The following TTC29 variants were observed in gnomAD, a reference collection of about 807,000 sequenced individuals.
TTC29 encodes the protein tetratricopeptide repeat protein 29.
A neutral mutation model predicts 58.1 loss-of-function variants in TTC29; 49 were observed. That is an observed-to-expected ratio of 0.84 (90% CI 0.67 to 1.07). TTC29 has a LOEUF of 1.07. TTC29 is among the 50% of genes least tolerant of loss of function. TTC29 has a pLI of 0.00. For synonymous variants in TTC29, 209 were observed against 196.8 expected, an observed-to-expected ratio of 1.06 and a Z score of -0.52; for missense variants, 582 against 555.6, an observed-to-expected ratio of 1.05 and a Z score of -0.48.
intron 3 of TTC29, among the ~76,000 whole-genome samples, chr4:146,938,293 G>A (rs1314199638): frequency 6.6e-6 from 1 of 152,058 alleles, no homozygotes; most frequent in South Asian, 2.1e-4. Flanking sequence ...TATGATGATT[G>A]ATATGGAACT....
At chr4:146,862,433 G>C (rs958703574) in intron 8 of TTC29, among the ~76,000 whole-genome samples, 1 of 151,982 alleles carries the variant, frequency 6.6e-6, no homozygotes, top group African/African-American at 2.4e-5. Flanking sequence ...ATGTAACATC[G>C]TTACTTTCAT....
rs181359250 is a variant in TTC29 at position 146,764,861 on chromosome 4, T to C, written c.1330+38596A>G. Among the ~76,000 whole-genome samples the C allele has an allele frequency of 2.1e-3, 316 of 152,202 alleles. 2 individuals carry two copies. The highest frequency in any genetic ancestry group is 3.5e-3 in the Non-Finnish European group (241 of 67,996). ...AGGTACCACTAACGTTGGTGTTTTT[T>C]CTTATTGCCTACTGATAGTGACAGC... is the stretch of plus-strand genomic sequence containing the variant. On this transcript the variant is annotated intron_variant, in intron 11 of 12. Transcript: ENST00000325106.
intron 8 of TTC29, among the ~76,000 whole-genome samples, chr4:146,862,374 T>A: frequency 6.6e-6 from 1 of 152,024 alleles, no homozygotes; most frequent in Non-Finnish European, 1.5e-5. Flanking sequence ...CAGAAGACCC[T>A]GCAGATAGGA....
In TTC29 at chr4:146,803,567, TG is replaced by T. The variant is rs780149597; in HGVS notation, c.1219del (p.Gln407ArgfsTer2). 6.2e-7 allele frequency: 1 copy of T among 1,606,800 alleles called. No individual in the cohort carries two copies. The highest frequency in any genetic ancestry group is 2.2e-5 in the East Asian group (1 of 44,766). ...KVHYGIAKAH[Q>X]MMLTVNNYIE... Reference sequence around the variant, plus strand: ...ATAGTTGTTCACTGTAAGCATCATCTGATGAGCTTTTGCTATTCCATAGTGA... The same window carrying T: ...ATAGTTGTTCACTGTAAGCATCATCTATGAGCTTTTGCTATTCCATAGTGA... On this transcript the variant is annotated frameshift_variant, in exon 11 of 13. Transcript: ENST00000325106. LOFTEE classifies it high-confidence loss of function.
intron 6 of TTC29, among the ~76,000 whole-genome samples, chr4:146,897,250 G>A (rs910469866): frequency 2.0e-5 from 3 of 152,248 alleles, no homozygotes; most frequent in Admixed American, 6.5e-5. Context: ...AGACCTGAGA[G>A]GTAGGGGTTA....
At chr4:146,846,060 A>G (rs1366240684) in intron 8 of TTC29, among the ~76,000 whole-genome samples, 1 of 152,176 alleles carries the variant, frequency 6.6e-6, no homozygotes, top group Non-Finnish European at 1.5e-5. Context: ...AGAAACATTA[A>G]CATGGCTATA....
intron 4 of TTC29, among the ~76,000 whole-genome samples, chr4:146,931,764 G>A (rs577661914): frequency 7.2e-5 from 11 of 152,140 alleles, no homozygotes; most frequent in African/African-American, 1.9e-4. Context: ...AGATATAAAC[G>A]CCTAAGAACT....
intron 11 of TTC29, among the ~76,000 whole-genome samples, chr4:146,723,769 A>G (rs1412904551): frequency 1.3e-5 from 2 of 152,232 alleles, no homozygotes; most frequent in African/African-American, 4.8e-5. Context: ...ATGCTTATGC[A>G]CTGTTGGTGG....
intron 11 of TTC29, among the ~76,000 whole-genome samples, chr4:146,744,488 A>T (rs1251977554): frequency 6.6e-6 from 1 of 152,190 alleles, no homozygotes; most frequent in Non-Finnish European, 1.5e-5. Flanking sequence ...GGCTCCTCAA[A>T]TATGGATCTT....
chr4:146,725,347 A>G lies in TTC29; in HGVS notation c.1331-17796T>C, dbSNP rs572209495. Among the ~76,000 whole-genome samples the G allele has an allele frequency of 2.6e-5, 4 of 152,250 alleles. No individual in the cohort carries two copies. In the East Asian group the frequency reaches 7.7e-4, roughly 29 times the overall value. ...TCAAGAATTCTGAGCCAGGCTGGGC[A>G]ACATAGTGAGACTTTGTCTCCACAA... On this transcript the variant is annotated intron_variant, in intron 11 of 12. Coordinates refer to ENST00000325106, the MANE Select transcript of TTC29 (RefSeq NM_031956.4).
intron 11 of TTC29, among the ~76,000 whole-genome samples, chr4:146,737,146 G>T (rs558813170): frequency 6.6e-6 from 1 of 152,230 alleles, no homozygotes; most frequent in African/African-American, 2.4e-5. Flanking sequence ...CCTATGTTTG[G>T]GTTTTTACTG....
chr4:146,903,535 C>T lies in TTC29; in HGVS notation c.586+9G>A. On this transcript the variant is annotated intron_variant, in intron 6 of 12. Transcript: ENST00000325106. ...CATACCCAAGGCATCCTGGCAAATG[C>T]CCACTCACCATCTTCCTCGTAGAGA... The T allele has an allele frequency of 6.3e-7, 1 of 1,591,044 alleles. No homozygotes were observed. The highest frequency in any genetic ancestry group is 8.6e-7 in the Non-Finnish European group (1 of 1,168,082).
At chr4:146,740,409 T>C (rs1745035531) in intron 11 of TTC29, among the ~76,000 whole-genome samples, 1 of 152,130 alleles carries the variant, frequency 6.6e-6, no homozygotes, top group African/African-American at 2.4e-5. Context: ...AGGGAATGGG[T>C]TGAAAATAAT....
At position 146,776,543 on chromosome 4, in the gene TTC29, C is replaced by T. The variant is rs184439814; in HGVS notation, c.1330+26914G>A. Among the ~76,000 whole-genome samples the T allele has an allele frequency of 8.7e-4, 132 of 151,814 alleles. 2 individuals carry two copies. Among genetic ancestry groups the T allele is most frequent in the African/African-American group, 2.5e-3 (105 of 41,388 alleles). Reference sequence around the variant, plus strand: ...TTTGCTTCTGGAGGATTTTAGAGGGCCAAGGTTTAGCTCAGCCCTCCTGTT... The same window carrying T: ...TTTGCTTCTGGAGGATTTTAGAGGGTCAAGGTTTAGCTCAGCCCTCCTGTT... On this transcript the variant is annotated intron_variant, in intron 11 of 12. Transcript: ENST00000325106.
chr4:146,728,893 A>ATG (rs1311803897), intron 11 of TTC29, among the ~76,000 whole-genome samples: 6 of 26,948 alleles, frequency 2.2e-4, no homozygotes, highest in South Asian at 2.3e-3. Flanking sequence ...ATATGTGTGT[A>ATG]TGTATATATA....
intron 6 of TTC29, among the ~76,000 whole-genome samples, chr4:146,883,746 C>A (rs1312290184): frequency 6.6e-6 from 1 of 151,962 alleles, no homozygotes; most frequent in Admixed American, 6.6e-5. Context: ...GAGCAGGCAC[C>A]TTTGAATGAG....
intron 4 of TTC29, among the ~76,000 whole-genome samples, chr4:146,926,709 C>A (rs1734957827): frequency 6.6e-6 from 1 of 152,092 alleles, no homozygotes; most frequent in African/African-American, 2.4e-5. Flanking sequence ...GTGATCCACC[C>A]ACCTCGGCCT....
chr4:146,943,445 T>C (rs1475049232), intron 2 of TTC29, among the ~76,000 whole-genome samples: 2 of 151,874 alleles, frequency 1.3e-5, no homozygotes, highest in African/African-American at 4.8e-5. Context: ...AAAAAAAGCA[T>C]GTTGGAAAAA....
intron 11 of TTC29, among the ~76,000 whole-genome samples, chr4:146,724,259 T>C (rs1465169761): frequency 6.6e-6 from 1 of 152,200 alleles, no homozygotes; most frequent in African/African-American, 2.4e-5. Context: ...ATTGAAAATC[T>C]AGCTGTTGGG....
Sources: gnomAD v4.1 joint callset for allele counts (sites outside exome capture counted in the v4.1 genomes callset) on GRCh38, gnomAD v4.1.1 for gene constraint, MANE v1.5 for transcripts, NCBI Gene and HGNC (gene_info 2026-07-23, HGNC 2026-07-21) for gene names.